GABBR2: variants seen among roughly 807,000 people sequenced by gnomAD.
GABBR2 encodes gamma-aminobutyric acid type B receptor subunit 2.
In GABBR2, 23 loss-of-function variants were observed where a neutral mutation model predicts 105.6. The observed-to-expected ratio is 0.22, with a 90% confidence interval of 0.16 to 0.31. GABBR2 has a LOEUF of 0.31. GABBR2 is among the 10% of genes least tolerant of loss of function. The pLI is 1.00. For synonymous variants in GABBR2, 478 were observed against 499.7 expected, an observed-to-expected ratio of 0.96 and a Z score of 0.58; for missense variants, 734 against 1,245.5, an observed-to-expected ratio of 0.59 and a Z score of 6.18.
At chr9:98,625,744 G>C (rs903026501) in intron 1 of GABBR2, among the ~76,000 whole-genome samples, 80 of 152,138 alleles carry the variant, frequency 5.3e-4, no homozygotes, top group African/African-American at 1.8e-3. Flanking sequence ...ATATTCTCCT[G>C]TCCCCACAGG....
chr9:98,599,539 A>G (rs1192860308), intron 1 of GABBR2, among the ~76,000 whole-genome samples: 1 of 152,256 alleles, frequency 6.6e-6, no homozygotes, highest in Admixed American at 6.5e-5. Flanking sequence ...GTGAGGGGCC[A>G]GTGTTTTCTC....
chr9:98,501,133 C>CA (rs1351475944), intron 3 of GABBR2, among the ~76,000 whole-genome samples: 4 of 144,420 alleles, frequency 2.8e-5, no homozygotes, highest in Non-Finnish European at 6.1e-5. Flanking sequence ...CTGCCCCCCC[C>CA]CCTTCCCCGC....
rs781682006 is a variant in GABBR2, at chr9:98,496,527, A to C, written c.631-13T>G. 16 of 1,576,728 alleles carry C rather than the reference A, an allele frequency of 1.0e-5. No individual in the cohort carries two copies. The highest frequency in any genetic ancestry group is 1.4e-5 in the Non-Finnish European group (16 of 1,146,422). The stretch of plus-strand genomic sequence containing the variant: ...GGTCATTCCGCACCTGTCAGCAAAG[A>C]GAAAGCAGAGGGTGGGTGTGCTGGG... On this transcript the variant is annotated splice_polypyrimidine_tract_variant and intron_variant, in intron 3 of 18. Coordinates refer to ENST00000259455, the MANE Select transcript of GABBR2 (RefSeq NM_005458.8).
intron 2 of GABBR2, among the ~76,000 whole-genome samples, chr9:98,568,961 G>A (rs555062544): frequency 2.1e-4 from 32 of 152,106 alleles, no homozygotes; most frequent in Admixed American, 2.0e-3. Flanking sequence ...TGCCCTCTCT[G>A]CTTGGCCCAT....
At position 98,331,300 on chromosome 9, in the gene GABBR2, A is replaced by G. The variant is rs184088255; in HGVS notation, c.1894-20095T>C. 1.8e-3 allele frequency among the ~76,000 whole-genome samples: 273 copies of G among 151,796 alleles called. 3 individuals carry two copies. Among genetic ancestry groups the G allele is most frequent in the Admixed American group, 0.016 (246 of 15,248 alleles). ...TGGGTCTTAATAGTAACTCTGTTTAACGTTTTCAGGAAAGGATGAACTATT... is the reference window on the plus strand; with the variant it reads ...TGGGTCTTAATAGTAACTCTGTTTAGCGTTTTCAGGAAAGGATGAACTATT... On this transcript the variant is annotated intron_variant, in intron 13 of 18. Transcript: ENST00000259455.
chr9:98,378,347 C>T (rs913281014), intron 11 of GABBR2, among the ~76,000 whole-genome samples: 3 of 152,130 alleles, frequency 2.0e-5, no homozygotes, highest in African/African-American at 4.8e-5. Context: ...CTTCGGGACT[C>T]GAACCCCACC....
chr9:98,431,688 T>G (rs545714836), intron 7 of GABBR2, among the ~76,000 whole-genome samples: 20 of 151,780 alleles, frequency 1.3e-4, no homozygotes, highest in African/African-American at 3.1e-4. Flanking sequence ...TGTCTGTTTT[T>G]TTTTGTTTTG....
intron 7 of GABBR2, among the ~76,000 whole-genome samples, chr9:98,423,945 G>T (rs911814861): frequency 6.6e-6 from 1 of 152,090 alleles, no homozygotes; most frequent in South Asian, 2.1e-4. Context: ...TGAGGGCTCC[G>T]TTCTGTTCTA....
At chr9:98,581,978 A>G (rs1331928487) in intron 1 of GABBR2, among the ~76,000 whole-genome samples, 1 of 152,234 alleles carries the variant, frequency 6.6e-6, no homozygotes, top group East Asian at 1.9e-4. Flanking sequence ...AGACTATTTG[A>G]CAACCAGTAT....
intron 1 of GABBR2, among the ~76,000 whole-genome samples, chr9:98,585,606 C>T (rs1041868188): frequency 5.3e-5 from 8 of 151,278 alleles, no homozygotes; most frequent in African/African-American, 1.9e-4. Flanking sequence ...CAAACCTGCA[C>T]GTTGTGCACA....
At chr9:98,299,864 A>G (rs184652882) in intron 16 of GABBR2, among the ~76,000 whole-genome samples, 9 of 152,122 alleles carry the variant, frequency 5.9e-5, no homozygotes, top group African/African-American at 1.9e-4. Context: ...ACTTGCTACT[A>G]TAATAATATT....
intron 7 of GABBR2, among the ~76,000 whole-genome samples, chr9:98,438,162 TC>T (rs1825962028): frequency 7.1e-6 from 1 of 141,118 alleles, no homozygotes; most frequent in Non-Finnish European, 1.5e-5. Context: ...TCCATCTATA[TC>T]CATCTACCTA....
chr9:98,691,576 T>C, intron 1 of GABBR2, among the ~76,000 whole-genome samples: 1 of 150,706 alleles, frequency 6.6e-6, no homozygotes, highest in East Asian at 1.9e-4. Flanking sequence ...TGGTGAGCAC[T>C]GATTGATTAA....
chr9:98,423,456 G>GT (rs953023912), intron 7 of GABBR2, among the ~76,000 whole-genome samples: 20 of 152,182 alleles, frequency 1.3e-4, no homozygotes, highest in African/African-American at 4.3e-4. Flanking sequence ...TGATGGGGTT[G>GT]TTTTTTTCTT....
intron 3 of GABBR2, among the ~76,000 whole-genome samples, chr9:98,530,672 C>T (rs1274281443): frequency 1.3e-5 from 2 of 152,108 alleles, no homozygotes; most frequent in Admixed American, 1.3e-4. Context: ...GTAGTCTCAG[C>T]TATTTGGGAA....
At chr9:98,675,290 AAGG>A (rs1395548081) in intron 1 of GABBR2, among the ~76,000 whole-genome samples, 1 of 152,158 alleles carries the variant, frequency 6.6e-6, no homozygotes, top group East Asian at 1.9e-4. Context: ...AAGAGGCTTG[AAGG>A]AGGAGGAACC....
intron 1 of GABBR2, among the ~76,000 whole-genome samples, chr9:98,648,120 G>GTGTGTGTGT (rs1564140811): frequency 4.8e-4 from 19 of 39,896 alleles, no homozygotes; most frequent in South Asian, 1.4e-3. Flanking sequence ...TGTGTGTATA[G>GTGTGTGTGT]ATAGATAGAT....
At chr9:98,656,704 T>G (rs879807512) in intron 1 of GABBR2, among the ~76,000 whole-genome samples, 1 of 152,206 alleles carries the variant, frequency 6.6e-6, no homozygotes, top group African/African-American at 2.4e-5. Context: ...CAGTTACCAG[T>G]TATGCCTTAA....
intron 1 of GABBR2, among the ~76,000 whole-genome samples, chr9:98,678,457 CA>C (rs1169981626): frequency 1.3e-5 from 2 of 152,220 alleles, no homozygotes; most frequent in Non-Finnish European, 2.9e-5. Flanking sequence ...CCCCTGCTGG[CA>C]GCTGGCAGAA....
Sources: gnomAD v4.1 joint callset for allele counts (sites outside exome capture counted in the v4.1 genomes callset) on GRCh38, gnomAD v4.1.1 for gene constraint, MANE v1.5 for transcripts, NCBI Gene and HGNC (gene_info 2026-07-23, HGNC 2026-07-21) for gene names.